Variants in RAVER1 observed in about 807,000 individuals in gnomAD.
The protein encoded by RAVER1 is ribonucleoprotein, PTB binding 1.
A neutral mutation model predicts 68.4 loss-of-function variants in RAVER1; 36 were observed. The ratio of observed to expected loss-of-function variants is 0.53; its 90% CI spans 0.40 to 0.70. The LOEUF is 0.70. RAVER1 is among the 30% of genes least tolerant of loss of function. RAVER1 has a pLI of 0.00. For synonymous variants in RAVER1, 469 were observed against 472.7 expected (o/e 0.99, Z 0.10); for missense variants, 933 against 1,019.8 (o/e 0.91, Z 1.16).
intron 1 of RAVER1, 150 bp from the exon 2 acceptor site, chr19:10,330,676 T>C: frequency 1.6e-6 from 1 of 613,180 alleles, no homozygotes; most frequent in Non-Finnish European, 3.0e-6. Context: ...TGCAGTAATT[T>C]TGTCAAGGTC....
Position 10,316,560 on chromosome 19 carries a change from G to C in RAVER1, c.*894C>G, listed in dbSNP as rs2040389292. 8 of 987,088 alleles carry C rather than the reference G, an allele frequency of 8.1e-6. No homozygotes were observed. The highest frequency in any genetic ancestry group is 9.6e-6 in the Non-Finnish European group (8 of 830,684). 61.1% of individuals were successfully genotyped at this position (987,088 alleles called of 1,614,324 possible). ...GCTCCGGGAGATGGGCACAATGTCC[G>C]ACTCCCACAGACAGACAGCAGGGGA... On this transcript the variant is annotated 3_prime_UTR_variant, in exon 13 of 13. Coordinates refer to ENST00000617231, the MANE Select transcript of RAVER1 (RefSeq NM_133452.3).
chr19:10,331,390 C>CACA (rs2040516562), intron 1 of RAVER1, among the ~76,000 whole-genome samples: 1 of 31,750 alleles, frequency 3.1e-5, no homozygotes, highest in South Asian at 9.5e-4. Flanking sequence ...AAAATAACAA[C>CACA]AACAAAAAAA....
At chr19:10,321,004 G>A (rs760398654) in intron 8 of RAVER1, 44 bp downstream of exon 8, 22 of 1,478,778 alleles carry the variant, frequency 1.5e-5, no homozygotes, top group Non-Finnish European at 1.9e-5. Context: ...GAACCCTGCG[G>A]AACAGGAGGC....
chr19:10,322,671 G>T lies in RAVER1; in HGVS notation c.1147C>A (p.Leu383Ile). The T allele has an allele frequency of 6.5e-7, 1 of 1,545,724 alleles. No homozygotes were observed. The highest frequency in any genetic ancestry group is 8.7e-7 in the Non-Finnish European group (1 of 1,155,118). The change falls in exon 6 of 13, where the codon CTC (leucine) becomes ATC (isoleucine). Residue 383 changes from leucine to isoleucine, a missense_variant. Physicochemically the swap from Leu to Ile is conservative, Grantham distance 5. Transcript: ENST00000617231. This position sits in a 1 kb window ranked among gnomAD's most constrained non-coding sequence, Gnocchi z 4.3. ...TTCTGGCCCTGGGTCTGCAGGGCGA[G>T]CTGCAACAGCGCCGTGGACAGGGCT... ...GPALSTALLQ[L>I]ALQTQGQKKP...
At position 10,329,025 on chromosome 19, in the gene RAVER1, C is replaced by T; in HGVS notation, c.373G>A (p.Val125Met). 2 of 1,562,796 alleles carry T rather than the reference C, an allele frequency of 1.3e-6. No homozygotes were observed. Among genetic ancestry groups the T allele is most frequent in the Non-Finnish European group, 1.7e-6 (2 of 1,151,608 alleles). ...QSRLRERELS[V>M]QLQPTDALLC... ...AGGGCATCCGTGGGCTGCAGCTGCA[C>T]CGACAGTTCACGCTCCCGCAGGCGG... is the stretch of plus-strand genomic sequence containing the variant. Residue 125 changes from valine (V) to methionine (M), a missense_variant, in exon 3 of 13, where the codon GTG (valine) becomes ATG (methionine). Coordinates refer to ENST00000617231, the MANE Select transcript of RAVER1 (RefSeq NM_133452.3). This position sits in a 1 kb window ranked among gnomAD's most constrained non-coding sequence, Gnocchi z 4.6.
intron 1 of RAVER1, 147 bp from the exon 2 acceptor site, chr19:10,330,673 A>G (rs1230199789): frequency 3.3e-6 from 2 of 613,204 alleles, no homozygotes; most frequent in African/African-American, 3.7e-5. Context: ...CGATGCAGTA[A>G]TTTTGTCAAG....
At position 10,330,670 on chromosome 19, in the gene RAVER1, G is replaced by C. The variant is rs1288040103; in HGVS notation, c.220-144C>G. The C allele has an allele frequency of 9.8e-6, 6 of 612,850 alleles. No individual in the cohort carries two copies. The African/African-American group carries it at 1.1e-4, about 11-fold the overall frequency. 38.0% of individuals were successfully genotyped at this position (612,850 alleles called of 1,614,324 possible). The stretch of plus-strand genomic sequence containing the variant: ...AATGAGGAAACTGAGGCTCGATGCA[G>C]TAATTTTGTCAAGGTCATTCTGCTC... On this transcript the variant is annotated intron_variant, in intron 1 of 12. Transcript: ENST00000617231.
At position 10,321,187 on chromosome 19, in the gene RAVER1, G is replaced by A. The variant is rs1351640077; in HGVS notation, c.1334C>T (p.Pro445Leu). The change falls in exon 8 of 13, where the codon CCT (proline) becomes CTT (leucine). Residue 445 changes from proline to leucine, a missense_variant. Coordinates refer to ENST00000617231, the MANE Select transcript of RAVER1 (RefSeq NM_133452.3). Reference sequence around the variant, plus strand: ...CAGGGCCTCCCGGTCACCCCCAGCAGGGCCAAGCACGGATGGCAGCAGGGG... The same window carrying A: ...CAGGGCCTCCCGGTCACCCCCAGCAAGGCCAAGCACGGATGGCAGCAGGGG... ...PPPLLPSVLG[P>L]AGGDREALGL... 3 of 1,290,248 alleles carry A rather than the reference G, an allele frequency of 2.3e-6. No individual in the cohort carries two copies. The highest frequency in any genetic ancestry group is 5.6e-5 in the South Asian group (2 of 35,564). 79.9% of individuals were successfully genotyped at this position (1,290,248 alleles called of 1,614,324 possible). A position where few individuals can be genotyped will look rare whatever the true frequency, so the allele number is the denominator to read the frequency against.
At position 10,329,040 on chromosome 19, in the gene RAVER1, C is replaced by T. The variant is rs751402104; in HGVS notation, c.358G>A (p.Glu120Lys). 30 of 1,541,138 alleles carry T rather than the reference C, an allele frequency of 1.9e-5. No homozygotes were observed. Among genetic ancestry groups the T allele is most frequent in the Admixed American group, 3.9e-5 (2 of 51,416 alleles). ...TGCAGCTGCACCGACAGTTCACGCT[C>T]CCGCAGGCGGCTCTGGTGGAAAGCA... Reference protein sequence around the residue: ...INAFHQSRLRERELSVQLQPT... With the variant: ...INAFHQSRLRKRELSVQLQPT... Residue 120 changes from glutamate to lysine, a missense_variant, in exon 3 of 13, where the codon GAG becomes AAG. By Grantham distance (56) the Glu-to-Lys change is moderately conservative. Transcript: ENST00000617231. This position sits in a 1 kb window ranked among gnomAD's most constrained non-coding sequence, Gnocchi z 4.6.
chr19:10,332,201 C>A (rs77489129), intron 1 of RAVER1, among the ~76,000 whole-genome samples: 4,450 of 152,168 alleles, frequency 0.029, 87 homozygotes, highest in East Asian at 0.049. Flanking sequence ...TTTCACTATA[C>A]CGCCCAGGCT....
Position 10,330,468 on chromosome 19 carries a change from T to C in RAVER1, c.278A>G (p.Lys93Arg), listed in dbSNP as rs565074237. ...CCCATGGCCCCACAAACCTGTCCCTTTGTATTTGTCCACAAAACAGTATTT... is the reference window on the plus strand; with the variant it reads ...CCCATGGCCCCACAAACCTGTCCCTCTGTATTTGTCCACAAAACAGTATTT... Reference protein sequence around the residue: ...ELKYCFVDKYKGTAFVTLLNG... With the variant: ...ELKYCFVDKYRGTAFVTLLNG... The change falls in exon 2 of 13, where the codon AAA becomes AGA. Residue 93 changes from lysine to arginine, a missense_variant. Around this residue, in one of 3 missense-constraint regions of RAVER1, gnomAD observed 211 missense variants for 230.0 expected, o/e 0.92. Coordinates refer to ENST00000617231, the MANE Select transcript of RAVER1 (RefSeq NM_133452.3). 3.7e-5 allele frequency: 56 copies of C among 1,515,558 alleles called. No homozygotes were observed. The highest frequency in any genetic ancestry group is 4.6e-5 in the Non-Finnish European group (51 of 1,104,998). The allele number at this position is 1,515,558 out of a possible 1,614,324, so 93.9% of individuals were successfully genotyped here.
In RAVER1 at chr19:10,333,129, C is replaced by G. The variant is rs1279670596; in HGVS notation, c.219+160G>C. Among the ~76,000 whole-genome samples, 1 of 152,214 alleles carries G rather than the reference C, an allele frequency of 6.6e-6. No homozygotes were observed. The highest frequency in any genetic ancestry group is 6.5e-5 in the Admixed American group (1 of 15,276). On this transcript the variant is annotated intron_variant, in intron 1 of 12. Transcript: ENST00000617231. The surrounding 1 kb of genome is among the most constrained non-coding windows in gnomAD (Gnocchi z 4.2). ...GTTTCCCCTTTCATCATCGCCCCCC[C>G]ACGTCCCGCTCTTGGTCTCTCCCGA...
rs760406126 is a variant in RAVER1 at position 10,320,702 on chromosome 19, G to C, written c.1723C>G (p.Pro575Ala). ...CTGTCAGACAGTCCTGGTTCGGGGG[G>C]CAGGCGGGCGCTGCTGAGGGGGCTG... is the stretch of plus-strand genomic sequence containing the variant. Reference protein sequence around the residue: ...LLSPLSSARLPPEPGLSDSYS... With the variant: ...LLSPLSSARLAPEPGLSDSYS... Residue 575 changes from proline (P) to alanine (A), a missense_variant, in exon 9 of 13, where the codon CCC becomes GCC. Transcript: ENST00000617231. 1.2e-5 allele frequency: 19 copies of C among 1,544,030 alleles called. No homozygotes were observed. The highest frequency in any genetic ancestry group is 8.7e-7 in the Non-Finnish European group (1 of 1,152,570).
chr19:10,322,435 A>G lies in RAVER1; in HGVS notation c.1173+210T>C. 1 of 507,424 alleles carries G rather than the reference A, an allele frequency of 2.0e-6. No homozygotes were observed. Among genetic ancestry groups the G allele is most frequent in the Non-Finnish European group, 3.4e-6 (1 of 292,372 alleles). The allele number at this position is 507,424 out of a possible 1,614,324, so 31.4% of individuals were successfully genotyped here. On this transcript the variant is annotated intron_variant, in intron 6 of 12. Transcript: ENST00000617231. This position sits in a 1 kb window ranked among gnomAD's most constrained non-coding sequence, Gnocchi z 4.3. Reference sequence around the variant, plus strand: ...AAGTCCAGGGGCGCTCTCAGAATGGAGGGAAAGATGGCGAACCATCATGAG... The same window carrying G: ...AAGTCCAGGGGCGCTCTCAGAATGGGGGGAAAGATGGCGAACCATCATGAG...
Position 10,319,200 on chromosome 19 carries a change from G to T in RAVER1, c.1811C>A (p.Pro604Gln), listed in dbSNP as rs2040416255. 6.2e-7 allele frequency: 1 copy of T among 1,613,906 alleles called. No individual in the cohort carries two copies. The highest frequency in any genetic ancestry group is 8.5e-7 in the Non-Finnish European group (1 of 1,179,786). Reference sequence around the variant, plus strand: ...GCTGGGTCCGTGAGGCCCAAGGGCTGGTTCCCGTGGGTGGGAGAAGAGCCG... The same window carrying T: ...GCTGGGTCCGTGAGGCCCAAGGGCTTGTTCCCGTGGGTGGGAGAAGAGCCG... ...PRRLFSHPREPALGPHGPSRH... is the reference protein window; with the variant it reads ...PRRLFSHPREQALGPHGPSRH... The change falls in exon 10 of 13, where the codon CCA becomes CAA. Residue 604 changes from proline to glutamine, a missense_variant. Coordinates refer to ENST00000617231, the MANE Select transcript of RAVER1 (RefSeq NM_133452.3).
Position 10,328,567 on chromosome 19 carries a change from G to T in RAVER1, c.756+75C>A. 2 of 973,362 alleles carry T rather than the reference G, an allele frequency of 2.1e-6. No individual in the cohort carries two copies. Among genetic ancestry groups the T allele is most frequent in the East Asian group, 2.6e-5 (1 of 37,936 alleles). 60.3% of individuals were successfully genotyped at this position (973,362 alleles called of 1,614,324 possible). ...ACTGTCTCAAAAAAAAAAAAGAAAAGGCAGATGACTCCAAAGACTCTCTCA... is the reference window on the plus strand; with the variant it reads ...ACTGTCTCAAAAAAAAAAAAGAAAATGCAGATGACTCCAAAGACTCTCTCA... On this transcript the variant is annotated intron_variant, in intron 3 of 12. Coordinates refer to ENST00000617231, the MANE Select transcript of RAVER1 (RefSeq NM_133452.3). This position sits in a 1 kb window ranked among gnomAD's most constrained non-coding sequence, Gnocchi z 4.4.
rs1370589400 is a variant in RAVER1 at position 10,317,171 on chromosome 19, CGGA to C, written c.*280_*282del. ...GAGGGCTCCGGAGAGACGGGCACAG[CGGA>C]GGAGGAGATGGGGGGAGGGAGGGAG... On this transcript the variant is annotated 3_prime_UTR_variant, in exon 13 of 13. Coordinates refer to ENST00000617231, the MANE Select transcript of RAVER1 (RefSeq NM_133452.3). This position sits in a 1 kb window ranked among gnomAD's most constrained non-coding sequence, Gnocchi z 4.3. 2 of 482,940 alleles carry C rather than the reference CGGA, an allele frequency of 4.1e-6. No individual in the cohort carries two copies. Among genetic ancestry groups the C allele is most frequent in the Middle Eastern group, 5.5e-4 (1 of 1,818 alleles). 29.9% of individuals were successfully genotyped at this position (482,940 alleles called of 1,614,324 possible).
chr19:10,328,545 G>T lies in RAVER1; in HGVS notation c.756+97C>A, dbSNP rs1599304204. 8 of 787,940 alleles carry T rather than the reference G, an allele frequency of 1.0e-5. No homozygotes were observed. The highest frequency in any genetic ancestry group is 1.6e-5 in the Non-Finnish European group (8 of 505,668). 48.8% of individuals were successfully genotyped at this position (787,940 alleles called of 1,614,324 possible). Reference sequence around the variant, plus strand: ...CCAGCATGGGTGACAAAGTGAGACTGTCTCAAAAAAAAAAAAGAAAAGGCA... The same window carrying T: ...CCAGCATGGGTGACAAAGTGAGACTTTCTCAAAAAAAAAAAAGAAAAGGCA... On this transcript the variant is annotated intron_variant, in intron 3 of 12. Transcript: ENST00000617231. The surrounding 1 kb of genome is among the most constrained non-coding windows in gnomAD (Gnocchi z 4.4).
chr19:10,320,143 G>A (rs888359802), intron 9 of RAVER1, among the ~76,000 whole-genome samples: 1 of 152,120 alleles, frequency 6.6e-6, no homozygotes, highest in African/African-American at 2.4e-5. Context: ...ATCCTCCAGG[G>A]CTCGAGAATG....
Sources: allele counts gnomAD v4.1 joint callset (sites outside exome capture counted in the v4.1 genomes callset), GRCh38; gene constraint gnomAD v4.1.1; regional missense constraint gnomAD v4.1.1; non-coding constraint Gnocchi (gnomAD v3.1); transcripts MANE v1.5; gene names NCBI Gene and HGNC (gene_info 2026-07-23, HGNC 2026-07-21).